Variants in EPS15 observed in about 807,000 individuals in gnomAD.
EPS15 encodes epidermal growth factor receptor substrate 15.
Under a neutral mutation model 113.8 loss-of-function variants are expected in EPS15, and 72 were observed. The observed-to-expected ratio is 0.63, with a 90% CI of 0.52 to 0.77. The LOEUF (loss-of-function observed/expected upper bound fraction) is 0.77, where lower values mean the gene tolerates loss of function less well. EPS15 is among the 30% of genes least tolerant of loss of function. The pLI is 0.00. For missense variants in EPS15, 1,048 were observed against 1,045.8 expected (o/e 1.00, Z -0.03); for synonymous variants, 344 against 363.4 (o/e 0.95, Z 0.61).
chr1:51,508,324 G>GAA (rs1257236537), intron 1 of EPS15, among the ~76,000 whole-genome samples: 157 of 123,794 alleles, frequency 1.3e-3, no homozygotes, highest in African/African-American at 4.8e-3. Context: ...GAGAGAAAGA[G>GAA]AGAAAGAGAA....
chr1:51,461,076 C>A lies in EPS15; in HGVS notation c.561+15G>T. 6.5e-7 allele frequency: 1 copy of A among 1,533,716 alleles called. No homozygotes were observed. The highest frequency in any genetic ancestry group is 9.0e-7 in the Non-Finnish European group (1 of 1,107,260). On this transcript the variant is annotated intron_variant, in intron 8 of 24. Transcript: ENST00000371733. ...ATTAAGATAATGAAGATGTTAAGAA[C>A]ATTAGATTACTTACAACTGCAAACT...
At chr1:51,510,416 T>C (rs188617456) in intron 1 of EPS15, among the ~76,000 whole-genome samples, 1 of 152,336 alleles carries the variant, frequency 6.6e-6, no homozygotes, top group East Asian at 1.9e-4. Context: ...TACAGAAGAT[T>C]AATGCCTACT....
At chr1:51,456,826 T>TAA (rs946835464) in intron 8 of EPS15, among the ~76,000 whole-genome samples, 3 of 152,106 alleles carry the variant, frequency 2.0e-5, no homozygotes, top group Non-Finnish European at 4.4e-5. Flanking sequence ...TTTATTAAAG[T>TAA]AAAAGGATAA....
At chr1:51,369,102 A>C (rs1184154050) in intron 21 of EPS15, among the ~76,000 whole-genome samples, 2 of 152,204 alleles carry the variant, frequency 1.3e-5, no homozygotes, top group Non-Finnish European at 2.9e-5. Flanking sequence ...ATTTGACTGG[A>C]ATATTGTGAA....
intron 23 of EPS15, 88 bp downstream of exon 23, chr1:51,363,778 A>G: frequency 1.6e-6 from 2 of 1,254,450 alleles, no homozygotes; most frequent in Non-Finnish European, 2.2e-6. Flanking sequence ...TTTCACTTAA[A>G]GCCATTTATA....
At chr1:51,362,878 C>A (rs1228041262) in intron 23 of EPS15, among the ~76,000 whole-genome samples, 2 of 152,194 alleles carry the variant, frequency 1.3e-5, no homozygotes, top group Admixed American at 1.3e-4. Context: ...AGGAATTATC[C>A]TTTTAGCCAC....
chr1:51,509,998 A>T (rs895989692), intron 1 of EPS15, among the ~76,000 whole-genome samples: 2 of 152,256 alleles, frequency 1.3e-5, no homozygotes, highest in African/African-American at 2.4e-5. Context: ...GACCTTGAAC[A>T]AATTACTTCA....
chr1:51,484,342 G>C (rs1244919707), intron 1 of EPS15, among the ~76,000 whole-genome samples: 1 of 152,128 alleles, frequency 6.6e-6, no homozygotes, highest in Non-Finnish European at 1.5e-5. Flanking sequence ...CAGGAGGACT[G>C]CTTGAAACCA....
intron 21 of EPS15, among the ~76,000 whole-genome samples, chr1:51,392,762 A>C (rs1433373383): frequency 6.6e-6 from 1 of 152,212 alleles, no homozygotes; most frequent in Admixed American, 6.5e-5. Flanking sequence ...TGATATCATT[A>C]ATGATTTATC....
chr1:51,418,076 A>G (rs1456432869), intron 13 of EPS15, among the ~76,000 whole-genome samples: 4 of 152,170 alleles, frequency 2.6e-5, no homozygotes, highest in African/African-American at 9.7e-5. Flanking sequence ...AAAGAAAAAT[A>G]GGAAAGTTCA....
chr1:51,368,260 A>T (rs754715836), intron 21 of EPS15, among the ~76,000 whole-genome samples: 4 of 152,258 alleles, frequency 2.6e-5, no homozygotes, highest in Non-Finnish European at 5.9e-5. Flanking sequence ...TATCTTGGAC[A>T]TAAAAAGAGG....
At chr1:51,442,144 A>G (rs1458472759) in intron 11 of EPS15, among the ~76,000 whole-genome samples, 1 of 152,156 alleles carries the variant, frequency 6.6e-6, no homozygotes, top group Non-Finnish European at 1.5e-5. Flanking sequence ...TAAATTAGAT[A>G]TTTTAAAGTG....
intron 4 of EPS15, among the ~76,000 whole-genome samples, chr1:51,469,229 A>C (rs1319159197): frequency 6.6e-6 from 1 of 152,192 alleles, no homozygotes; most frequent in Non-Finnish European, 1.5e-5. Flanking sequence ...AAAAATCCCA[A>C]AAGAAAATAA....
intron 8 of EPS15, among the ~76,000 whole-genome samples, chr1:51,448,354 A>C (rs1653245201): frequency 6.6e-6 from 1 of 152,190 alleles, no homozygotes. Flanking sequence ...ATCCTTAGTA[A>C]AAATTTAGAG....
At chr1:51,382,021 T>C (rs1216891050) in intron 21 of EPS15, among the ~76,000 whole-genome samples, 1 of 152,130 alleles carries the variant, frequency 6.6e-6, no homozygotes, top group Non-Finnish European at 1.5e-5. Flanking sequence ...AGTTTGTTCT[T>C]TGAAAAGATC....
At chr1:51,397,170 A>T (rs1397716703) in intron 20 of EPS15, 1 of 152,204 alleles carries the variant, frequency 6.6e-6, no homozygotes, top group Non-Finnish European at 1.5e-5. Context: ...GGGAGCCACC[A>T]CACCTGGCCT....
chr1:51,425,404 A>G (rs540084635), intron 12 of EPS15, among the ~76,000 whole-genome samples: 5 of 152,326 alleles, frequency 3.3e-5, no homozygotes, highest in East Asian at 1.9e-4. Flanking sequence ...TGCAATTCCA[A>G]TATTATCAAA....
At chr1:51,444,839 ATTGTTCCT>A (rs1557475836) in intron 11 of EPS15, 42 bp downstream of exon 11, 1 of 1,524,900 alleles carries the variant, frequency 6.6e-7, no homozygotes, top group African/African-American at 1.4e-5. Context: ...TCGACATAGT[ATTGTTCCT>A]TTGAAATTAA....
At chr1:51,445,781 C>A (rs1652995514) in intron 10 of EPS15, among the ~76,000 whole-genome samples, 2 of 152,136 alleles carry the variant, frequency 1.3e-5, no homozygotes, top group Admixed American at 1.3e-4. Context: ...CTACTTATTT[C>A]TTCTTATAAC....
Sources: allele counts gnomAD v4.1 joint callset (sites outside exome capture counted in the v4.1 genomes callset), GRCh38; gene constraint gnomAD v4.1.1; transcripts MANE v1.5; gene names NCBI Gene and HGNC (gene_info 2026-07-23, HGNC 2026-07-21).